The following DACH2 variants were observed in gnomAD, a reference collection of about 807,000 sequenced individuals.
The protein encoded by DACH2 is dachshund homolog 2.
DACH2 carries 17 observed loss-of-function variants against 35.8 expected under a neutral mutation model. The observed-to-expected ratio is 0.48, with a 90% CI of 0.33 to 0.71. DACH2 has a LOEUF of 0.71. Among genes scored for constraint, DACH2 ranks in the 30% least tolerant of loss-of-function variants. The probability of loss-of-function intolerance (pLI) is 0.02; values close to 1 mark genes in which losing one functional copy is unlikely to be tolerated. For missense variants in DACH2, 469 were observed against 472.7 expected (o/e 0.99, Z 0.07); for synonymous variants, 195 against 177.3 (o/e 1.10, Z -0.79).
intron 2 of DACH2, among the ~76,000 whole-genome samples, chrX:86,499,223 A>G (rs1027302426): frequency 4.5e-5 from 5 of 111,902 alleles, no homozygotes; most frequent in Non-Finnish European, 9.4e-5. Context: ...ATTCATTGAC[A>G]TTTCTGGACA....
In DACH2 at chrX:86,452,364, G is replaced by A. The variant is rs187306125; in HGVS notation, c.528-61915G>A. ...AGAATGAGTTAGGGAGGAGTCCTTCGTTTTCAATTTTTTGGAATAGTTTCA... is the reference window on the plus strand; with the variant it reads ...AGAATGAGTTAGGGAGGAGTCCTTCATTTTCAATTTTTTGGAATAGTTTCA... On this transcript the variant is annotated intron_variant, in intron 2 of 11. Coordinates refer to ENST00000373125, the MANE Select transcript of DACH2 (RefSeq NM_053281.3). 4.4e-3 allele frequency among the ~76,000 whole-genome samples: 486 copies of A among 111,323 alleles called. 2 individuals carry two copies. The highest frequency in any genetic ancestry group is 0.015 in the African/African-American group (467 of 30,691).
intron 3 of DACH2, among the ~76,000 whole-genome samples, chrX:86,528,032 A>G (rs2038659020): frequency 1.8e-5 from 2 of 111,500 alleles, no homozygotes; most frequent in Non-Finnish European, 3.8e-5. Context: ...TCTAGGAGTA[A>G]TGGAAACTGA....
chrX:86,178,833 C>T (rs1461488629), intron 1 of DACH2, among the ~76,000 whole-genome samples: 1 of 111,590 alleles, frequency 9.0e-6, no homozygotes, highest in Non-Finnish European at 1.9e-5. Context: ...TTGGTGCTCA[C>T]ACCAAGAAAT....
intron 3 of DACH2, among the ~76,000 whole-genome samples, chrX:86,603,513 C>A (rs1434131968): frequency 9.0e-6 from 1 of 110,707 alleles, no homozygotes; most frequent in African/African-American, 3.3e-5. Flanking sequence ...TCATCTAAAT[C>A]ATCTATGGAT....
At chrX:86,830,314 C>T (rs147296243) in intron 11 of DACH2, 1 of 112,062 alleles carries the variant, frequency 8.9e-6, no homozygotes, top group East Asian at 2.8e-4. Context: ...TATGTGTCAA[C>T]ATTATACAAC....
chrX:86,188,469 G>T (rs1380321194), intron 1 of DACH2, among the ~76,000 whole-genome samples: 2 of 111,880 alleles, frequency 1.8e-5, no homozygotes, highest in Non-Finnish European at 1.9e-5. Flanking sequence ...AAAATGATGT[G>T]CCCTGTGGTT....
At chrX:86,639,394 C>G (rs913459277) in intron 3 of DACH2, among the ~76,000 whole-genome samples, 1 of 111,636 alleles carries the variant, frequency 9.0e-6, no homozygotes, top group African/African-American at 3.3e-5. Flanking sequence ...TTCAGTCTGA[C>G]AGACAGAGCT....
intron 1 of DACH2, among the ~76,000 whole-genome samples, chrX:86,200,488 G>A (rs1330178103): frequency 9.0e-6 from 1 of 110,500 alleles, no homozygotes; most frequent in East Asian, 2.8e-4. Flanking sequence ...AGAGTAAACA[G>A]AGAACATACA....
chrX:86,224,251 T>A (rs2032774940), intron 1 of DACH2, among the ~76,000 whole-genome samples: 1 of 111,777 alleles, frequency 8.9e-6, no homozygotes, highest in Non-Finnish European at 1.9e-5. Context: ...TAAGAGCATG[T>A]GTTTTTGTGA....
chrX:86,622,279 C>A (rs2040077761), intron 3 of DACH2, among the ~76,000 whole-genome samples: 1 of 111,812 alleles, frequency 8.9e-6, no homozygotes, highest in Non-Finnish European at 1.9e-5. Flanking sequence ...TATTTTATTT[C>A]ATTTTCAGTG....
chrX:86,431,666 A>G (rs1452777350), intron 2 of DACH2, among the ~76,000 whole-genome samples: 1 of 111,867 alleles, frequency 8.9e-6, no homozygotes, highest in Non-Finnish European at 1.9e-5. Context: ...TAATAAAGCA[A>G]TATAATAACA....
Position 86,332,081 on chromosome X carries a change from T to C in DACH2, c.489-44743T>C, listed in dbSNP as rs1432476045. On this transcript the variant is annotated intron_variant, in intron 1 of 11. Coordinates refer to ENST00000373125, the MANE Select transcript of DACH2 (RefSeq NM_053281.3). ...CCTGAACAGTATAGTGACTGAGGTT[T>C]CATTACGTATTGAAGATAGTGCTTT... 3.6e-5 allele frequency among the ~76,000 whole-genome samples: 4 copies of C among 111,537 alleles called. No individual in the cohort carries two copies. The Admixed American group carries it at 3.8e-4, about 11-fold the overall frequency.
chrX:86,821,627 T>G (rs957239361), intron 11 of DACH2, among the ~76,000 whole-genome samples: 7 of 111,612 alleles, frequency 6.3e-5, no homozygotes, highest in African/African-American at 2.3e-4. Context: ...TAGTACACAT[T>G]ATACTTCTAA....
At chrX:86,555,069 G>GTAT (rs1308043584) in intron 3 of DACH2, among the ~76,000 whole-genome samples, 1 of 110,623 alleles carries the variant, frequency 9.0e-6, no homozygotes, top group Non-Finnish European at 1.9e-5. Flanking sequence ...CCACCAAAAT[G>GTAT]TATTATTCAT....
intron 4 of DACH2, among the ~76,000 whole-genome samples, chrX:86,662,540 C>T (rs1401273769): frequency 3.1e-4 from 34 of 110,206 alleles, no homozygotes; most frequent in African/African-American, 1.0e-3. Context: ...TTGCAGTGAG[C>T]CGAGATCACG....
chrX:86,362,301 G>A lies in DACH2; in HGVS notation c.489-14523G>A, dbSNP rs375970109. On this transcript the variant is annotated intron_variant, in intron 1 of 11. Transcript: ENST00000373125. ...AGGTATAAATTCAGAGAGAAAATGA[G>A]AGCCTCTTAGTGGCATTAATTTTAT... 3.2e-4 allele frequency among the ~76,000 whole-genome samples: 36 copies of A among 111,065 alleles called. No homozygotes were observed. The East Asian group carries it at 3.7e-3, about 11-fold the overall frequency.
rs114038912 is a variant in DACH2 at position 86,272,357 on chromosome X, G to A, written c.489-104467G>A. 9.2e-3 allele frequency among the ~76,000 whole-genome samples: 1,024 copies of A among 110,977 alleles called. 9 individuals are homozygous for A. Among genetic ancestry groups the A allele is most frequent in the African/African-American group, 0.029 (873 of 30,534 alleles). ...TTGAGAAAAATTAGAACAATGTCAA[G>A]ATGACAAAATTTAACTTGGATTCAG... On this transcript the variant is annotated intron_variant, in intron 1 of 11. Coordinates refer to ENST00000373125, the MANE Select transcript of DACH2 (RefSeq NM_053281.3).
chrX:86,452,402 C>T (rs1258696736), intron 2 of DACH2, among the ~76,000 whole-genome samples: 1 of 111,483 alleles, frequency 9.0e-6, no homozygotes, highest in Admixed American at 9.6e-5. Flanking sequence ...AGAAATGGTG[C>T]TAGCTCTTCT....
chrX:86,329,833 A>G (rs2035180682), intron 1 of DACH2, among the ~76,000 whole-genome samples: 1 of 111,792 alleles, frequency 8.9e-6, no homozygotes, highest in Non-Finnish European at 1.9e-5. Context: ...TTTATTGCAA[A>G]CCATTGCGGA....
Sources: allele counts gnomAD v4.1 joint callset (sites outside exome capture counted in the v4.1 genomes callset), GRCh38; gene constraint gnomAD v4.1.1; transcripts MANE v1.5; gene names NCBI Gene and HGNC (gene_info 2026-07-23, HGNC 2026-07-21).